SCD5: variants seen among roughly 807,000 people sequenced by gnomAD.
SCD5 encodes the protein acyl-CoA-desaturase 4.
SCD5 carries 20 observed loss-of-function variants against 30.4 expected under a neutral mutation model. The ratio of observed to expected loss-of-function variants is 0.66; its 90% CI spans 0.46 to 0.96. SCD5 has a LOEUF of 0.96. Ranked by LOEUF, SCD5 falls within the 40% of genes least tolerant of loss-of-function variation. The pLI is 0.00. For missense variants in SCD5, 381 were observed against 443.3 expected, an observed-to-expected ratio of 0.86 and a Z score of 1.26; for synonymous variants, 173 against 176.4, an observed-to-expected ratio of 0.98 and a Z score of 0.16.
rs563232659 is a variant in SCD5 at position 82,729,860 on chromosome 4, G to C, written c.233-24447C>G. 1.1e-4 allele frequency among the ~76,000 whole-genome samples: 17 copies of C among 152,310 alleles called. No homozygotes were observed. In the South Asian group the frequency reaches 3.1e-3, roughly 28 times the overall value. On this transcript the variant is annotated intron_variant, in intron 1 of 4. Coordinates refer to ENST00000319540, the MANE Select transcript of SCD5 (RefSeq NM_001037582.3). Reference sequence around the variant, plus strand: ...CCTTACCAGCCCGGAGAGGGCACCAGAGGAGTCTATACAACCAACCTTCCC... The same window carrying C: ...CCTTACCAGCCCGGAGAGGGCACCACAGGAGTCTATACAACCAACCTTCCC...
At chr4:82,682,914 C>T (rs922229051) in intron 2 of SCD5, among the ~76,000 whole-genome samples, 10 of 152,198 alleles carry the variant, frequency 6.6e-5, no homozygotes, top group Non-Finnish European at 1.2e-4. Context: ...CTCCTGGGTT[C>T]ATGCAATTCT....
intron 1 of SCD5, among the ~76,000 whole-genome samples, chr4:82,749,754 G>A (rs185171020): frequency 5.3e-5 from 8 of 152,258 alleles, no homozygotes; most frequent in African/African-American, 1.7e-4. Context: ...TCATGTTGAA[G>A]GACAGTTGTG....
chr4:82,674,770 C>T (rs1728400879), intron 3 of SCD5, among the ~76,000 whole-genome samples: 1 of 152,100 alleles, frequency 6.6e-6, no homozygotes, highest in South Asian at 2.1e-4. Context: ...ATCTGGACCA[C>T]ATTTTGGTCA....
At chr4:82,727,070 C>CTGGGTT (rs1485713666) in intron 1 of SCD5, among the ~76,000 whole-genome samples, 1 of 152,172 alleles carries the variant, frequency 6.6e-6, no homozygotes, top group East Asian at 1.9e-4. Flanking sequence ...AAAGTCCACC[C>CTGGGTT]CATCTCACAT....
intron 2 of SCD5, among the ~76,000 whole-genome samples, chr4:82,689,797 T>C (rs1212950488): frequency 6.6e-6 from 1 of 152,156 alleles, no homozygotes; most frequent in African/African-American, 2.4e-5. Context: ...CTTAACCAAA[T>C]GATCAAAGTT....
intron 1 of SCD5, among the ~76,000 whole-genome samples, chr4:82,706,191 A>T (rs1719964719): frequency 7.5e-6 from 1 of 133,406 alleles, no homozygotes; most frequent in African/African-American, 2.5e-5. Flanking sequence ...TCTTATCTCT[A>T]TTAACATTTT....
At position 82,670,716 on chromosome 4, in the gene SCD5, A is replaced by G. The variant is rs189169548; in HGVS notation, c.569+9991T>C. ...TTGATATGGCAAATATCAATTCCAT[A>G]TCAATTGATATGGCAAATATCAATT... On this transcript the variant is annotated intron_variant, in intron 3 of 4. Transcript: ENST00000319540. Among the ~76,000 whole-genome samples, 104 of 148,474 alleles carry G rather than the reference A, an allele frequency of 7.0e-4. 3 individuals are homozygous for G. Among genetic ancestry groups the G allele is most frequent in the East Asian group, 4.1e-3 (20 of 4,928 alleles).
At chr4:82,701,934 A>C (rs1719852248) in intron 2 of SCD5, among the ~76,000 whole-genome samples, 1 of 152,022 alleles carries the variant, frequency 6.6e-6, no homozygotes, top group African/African-American at 2.4e-5. Flanking sequence ...GGCATCTCTC[A>C]CCTGGGTCCA....
chr4:82,660,754 T>A, intron 3 of SCD5: 3 of 1,529,410 alleles, frequency 2.0e-6, no homozygotes, highest in Non-Finnish European at 2.6e-6. Flanking sequence ...AACCTAATGT[T>A]AGCACAGACT....
At chr4:82,786,307 T>C (rs1721986507) in intron 1 of SCD5, among the ~76,000 whole-genome samples, 1 of 152,126 alleles carries the variant, frequency 6.6e-6, no homozygotes, top group African/African-American at 2.4e-5. Context: ...ATTTAGGTCA[T>C]AGGCTGCATT....
At chr4:82,750,658 A>G (rs1949892) in intron 1 of SCD5, among the ~76,000 whole-genome samples, 118,014 of 151,348 alleles carry the variant, frequency 0.78, 46,373 homozygotes, top group Non-Finnish European at 0.82. Flanking sequence ...AAAAAAAGTC[A>G]TGAAACCAAA....
chr4:82,639,718 G>C (rs1468792508), intron 3 of SCD5, among the ~76,000 whole-genome samples: 1 of 152,220 alleles, frequency 6.6e-6, no homozygotes, highest in Non-Finnish European at 1.5e-5. Flanking sequence ...GGCACCCAGA[G>C]CCTTGGCTCT....
At chr4:82,744,478 C>A (rs1302806928) in intron 1 of SCD5, among the ~76,000 whole-genome samples, 1 of 152,136 alleles carries the variant, frequency 6.6e-6, no homozygotes, top group African/African-American at 2.4e-5. Context: ...ATCCCCACGA[C>A]CGTGGGAAGA....
chr4:82,714,600 G>GA (rs1720185395), intron 1 of SCD5, among the ~76,000 whole-genome samples: 1 of 152,100 alleles, frequency 6.6e-6, no homozygotes, highest in African/African-American at 2.4e-5. Context: ...AGGGCAGGGG[G>GA]CTGTGGGGGT....
chr4:82,648,156 C>A (rs1727669785), intron 3 of SCD5, among the ~76,000 whole-genome samples: 1 of 152,218 alleles, frequency 6.6e-6, no homozygotes, highest in Admixed American at 6.5e-5. Context: ...GGACCATCTT[C>A]CAAGAGGCCA....
Position 82,747,176 on chromosome 4 carries a change from C to T in SCD5, c.233-41763G>A, listed in dbSNP as rs188102217. 2.3e-3 allele frequency among the ~76,000 whole-genome samples: 343 copies of T among 152,022 alleles called. 2 individuals carry two copies. The highest frequency in any genetic ancestry group is 7.9e-3 in the African/African-American group (329 of 41,522). ...CTCCTGGCGAGGGGGAAAGGGAACT[C>T]CCCCATTTCAATATTACTATAAATA... On this transcript the variant is annotated intron_variant, in intron 1 of 4. Coordinates refer to ENST00000319540, the MANE Select transcript of SCD5 (RefSeq NM_001037582.3).
intron 4 of SCD5, among the ~76,000 whole-genome samples, chr4:82,635,279 A>C (rs1272941291): frequency 6.6e-6 from 1 of 152,210 alleles, no homozygotes; most frequent in Non-Finnish European, 1.5e-5. Context: ...AGATAAATGC[A>C]AAGAAGGGAC....
chr4:82,704,687 A>G (rs2148827297), intron 2 of SCD5, among the ~76,000 whole-genome samples: 1 of 152,306 alleles, frequency 6.6e-6, no homozygotes, highest in Non-Finnish European at 1.5e-5. Flanking sequence ...CACCCATCAG[A>G]GTAAAATCCC....
At chr4:82,636,081 G>A (rs1727423016) in intron 4 of SCD5, among the ~76,000 whole-genome samples, 1 of 152,134 alleles carries the variant, frequency 6.6e-6, no homozygotes, top group Admixed American at 6.6e-5. Context: ...GTACTAAGCA[G>A]TTTACATATT....
Sources: allele counts gnomAD v4.1 joint callset (sites outside exome capture counted in the v4.1 genomes callset), GRCh38; gene constraint gnomAD v4.1.1; transcripts MANE v1.5; gene names NCBI Gene and HGNC (gene_info 2026-07-23, HGNC 2026-07-21).